Variants in GSG1L observed in about 807,000 individuals in gnomAD.
GSG1L encodes GSG1 like.
Under a neutral mutation model 42.1 loss-of-function variants are expected in GSG1L, and 24 were observed. That is an observed-to-expected ratio of 0.57 (90% CI 0.41 to 0.80). The LOEUF (loss-of-function observed/expected upper bound fraction) is 0.80, where lower values mean the gene tolerates loss of function less well. GSG1L is among the 30% of genes least tolerant of loss of function. The probability of loss-of-function intolerance (pLI) is 0.00; values close to 1 mark genes in which losing one functional copy is unlikely to be tolerated. For missense variants in GSG1L, 445 were observed against 472.2 expected (o/e 0.94, Z 0.53); for synonymous variants, 215 against 203.5 (o/e 1.06, Z -0.48).
intron 3 of GSG1L, among the ~76,000 whole-genome samples, chr16:27,849,496 C>T (rs1025863699): frequency 1.3e-5 from 2 of 152,070 alleles, no homozygotes; most frequent in African/African-American, 2.4e-5. Flanking sequence ...TTTGTTTAGG[C>T]TGGTGTTGCT....
Position 28,059,348 on chromosome 16 carries a change from G to GC in GSG1L, c.349+3727dup, listed in dbSNP as rs2086315253. ...GCGGTGTGGGGTGTGTTGGCTCCCC[G>GC]CCTGGGTCCTGCATGGGTCTTCTGG... On this transcript the variant is annotated intron_variant, in intron 1 of 6. Coordinates refer to ENST00000447459, the MANE Select transcript of GSG1L (RefSeq NM_001109763.2). The surrounding 1 kb of genome is among the most constrained non-coding windows in gnomAD (Gnocchi z 4.4). 6.6e-6 allele frequency among the ~76,000 whole-genome samples: 1 copy of GC among 151,872 alleles called. No individual in the cohort carries two copies. The highest frequency in any genetic ancestry group is 2.4e-5 in the African/African-American group (1 of 41,326).
chr16:27,838,101 T>G (rs185652661), intron 4 of GSG1L, among the ~76,000 whole-genome samples: 1 of 152,242 alleles, frequency 6.6e-6, no homozygotes, highest in Non-Finnish European at 1.5e-5. Context: ...TGTTTGTTTT[T>G]TAAGATTATC....
intron 1 of GSG1L, among the ~76,000 whole-genome samples, chr16:28,001,714 A>AT (rs2085580032): frequency 6.6e-6 from 1 of 152,154 alleles, no homozygotes; most frequent in Non-Finnish European, 1.5e-5. Flanking sequence ...TGGAAAGATC[A>AT]TTTTGTGGCC....
chr16:27,907,787 T>G (rs2084336432), intron 2 of GSG1L, among the ~76,000 whole-genome samples: 1 of 152,242 alleles, frequency 6.6e-6, no homozygotes, highest in Non-Finnish European at 1.5e-5. Context: ...TGTAGCATAA[T>G]CAATCTCTTC....
At chr16:28,038,418 C>T (rs1157349906) in intron 1 of GSG1L, among the ~76,000 whole-genome samples, 1 of 152,176 alleles carries the variant, frequency 6.6e-6, no homozygotes, top group Non-Finnish European at 1.5e-5. Flanking sequence ...GATCTGAACC[C>T]ACAACCCCAG....
intron 1 of GSG1L, among the ~76,000 whole-genome samples, chr16:28,038,955 T>C (rs1234457817): frequency 6.6e-6 from 1 of 152,156 alleles, no homozygotes; most frequent in East Asian, 1.9e-4. Context: ...CAATTCAGGT[T>C]GTTTTCATTT....
chr16:27,880,153 C>A (rs763079304), intron 3 of GSG1L, among the ~76,000 whole-genome samples: 1 of 152,284 alleles, frequency 6.6e-6, no homozygotes, highest in South Asian at 2.1e-4. Flanking sequence ...CTCTCCACCC[C>A]CTCCAAGCCC....
At chr16:28,023,027 C>T (rs2085861627) in intron 1 of GSG1L, among the ~76,000 whole-genome samples, 1 of 152,086 alleles carries the variant, frequency 6.6e-6, no homozygotes, top group African/African-American at 2.4e-5. Flanking sequence ...TGAGGTCTCA[C>T]TATGTTGCCT....
intron 1 of GSG1L, among the ~76,000 whole-genome samples, chr16:27,968,585 G>A (rs566545397): frequency 5.5e-4 from 83 of 152,100 alleles, no homozygotes; most frequent in African/African-American, 2.0e-3. Context: ...GAATTTTCAT[G>A]GCCCTAAAAC....
intron 3 of GSG1L, among the ~76,000 whole-genome samples, chr16:27,870,185 C>G (rs754965601): frequency 3.4e-5 from 5 of 148,990 alleles, no homozygotes; most frequent in Non-Finnish European, 7.4e-5. Context: ...CTCTCTCCTT[C>G]TCTCTCTGTC....
At chr16:27,895,382 A>G (rs1257521224) in intron 2 of GSG1L, among the ~76,000 whole-genome samples, 1 of 152,102 alleles carries the variant, frequency 6.6e-6, no homozygotes, top group Non-Finnish European at 1.5e-5. Context: ...CGGGCTCTCA[A>G]GAGCATTCGA....
intron 1 of GSG1L, among the ~76,000 whole-genome samples, chr16:27,992,288 G>C (rs1044262311): frequency 6.6e-6 from 1 of 152,202 alleles, no homozygotes. Flanking sequence ...CCTGAGGACA[G>C]TTTGAGACCA....
rs535774928 is a variant in GSG1L at position 27,869,267 on chromosome 16, G to A, written c.550+15219C>T. On this transcript the variant is annotated intron_variant, in intron 3 of 6. Transcript: ENST00000447459. ...GAAGAAGGAGGGCCTTCAAGGCTCC[G>A]GGAATTGCAGAGGGGTTTTGAGGAG... Among the ~76,000 whole-genome samples the A allele has an allele frequency of 6.6e-5, 10 of 151,650 alleles. No homozygotes were observed. In the East Asian group the frequency reaches 7.7e-4, roughly 12 times the overall value.
chr16:28,007,710 C>G (rs2085660838), intron 1 of GSG1L, among the ~76,000 whole-genome samples: 1 of 151,912 alleles, frequency 6.6e-6, no homozygotes, highest in Non-Finnish European at 1.5e-5. Context: ...AGATGGGGGT[C>G]CTCCTATGTT....
At chr16:27,821,717 G>C (rs561223354) in intron 5 of GSG1L, among the ~76,000 whole-genome samples, 3 of 151,924 alleles carry the variant, frequency 2.0e-5, no homozygotes, top group Admixed American at 6.6e-5. Flanking sequence ...TGGGTAACAC[G>C]GTGAAACCCC....
At chr16:27,920,773 G>C (rs1207101752) in intron 2 of GSG1L, among the ~76,000 whole-genome samples, 1 of 152,218 alleles carries the variant, frequency 6.6e-6, no homozygotes, top group Admixed American at 6.5e-5. Flanking sequence ...TCTCCTGCTG[G>C]TGAGGGGAGG....
At position 27,870,239 on chromosome 16, in the gene GSG1L, ATC is replaced by A. The variant is rs1458366611; in HGVS notation, c.550+14245_550+14246del. Among the ~76,000 whole-genome samples, 62 of 73,018 alleles carry A rather than the reference ATC, an allele frequency of 8.5e-4. 2 individuals are homozygous for A. The highest frequency in any genetic ancestry group is 3.5e-3 in the African/African-American group (60 of 16,928). 47.9% of individuals were successfully genotyped at this position (73,018 alleles called of 152,430 possible). On this transcript the variant is annotated intron_variant, in intron 3 of 6. Coordinates refer to ENST00000447459, the MANE Select transcript of GSG1L (RefSeq NM_001109763.2). The stretch of plus-strand genomic sequence containing the variant: ...TCTTTCCATCTCTCTGTCTCTCTCC[ATC>A]TCTCTCTGTCTCTGTCTCCCTCCAT...
chr16:27,813,078 C>A (rs1043401374), intron 5 of GSG1L, among the ~76,000 whole-genome samples: 7 of 152,148 alleles, frequency 4.6e-5, no homozygotes, highest in Non-Finnish European at 8.8e-5. Context: ...CCGCACCCGG[C>A]CAGCTTTTAA....
At chr16:27,960,699 C>A (rs903216023) in intron 2 of GSG1L, among the ~76,000 whole-genome samples, 3 of 152,126 alleles carry the variant, frequency 2.0e-5, no homozygotes, top group African/African-American at 7.2e-5. Flanking sequence ...ACTGGAAGGG[C>A]TGGGCCCGTA....
Sources: allele counts gnomAD v4.1 joint callset (sites outside exome capture counted in the v4.1 genomes callset), GRCh38; gene constraint gnomAD v4.1.1; non-coding constraint Gnocchi (gnomAD v3.1); transcripts MANE v1.5; gene names NCBI Gene and HGNC (gene_info 2026-07-23, HGNC 2026-07-21).